The following STK11IP variants were observed in gnomAD, a reference collection of about 807,000 sequenced individuals.
STK11IP encodes serine/threonine kinase 11 interacting protein, also known as serine/threonine-protein kinase 11-interacting protein.
In STK11IP, 103 loss-of-function variants were observed where a neutral mutation model predicts 131.7. The observed-to-expected ratio is 0.78, with a 90% confidence interval of 0.67 to 0.92. STK11IP has a LOEUF of 0.92. STK11IP is among the 40% of genes least tolerant of loss of function. The probability of loss-of-function intolerance (pLI) is 0.00; values close to 1 mark genes in which losing one functional copy is unlikely to be tolerated. For synonymous variants in STK11IP, 557 were observed against 575.6 expected (o/e 0.97, Z 0.46); for missense variants, 1,315 against 1,385.7 (o/e 0.95, Z 0.81).
chr2:219,610,604 G>A (rs896441814), intron 17 of STK11IP, among the ~76,000 whole-genome samples: 6 of 152,040 alleles, frequency 3.9e-5, no homozygotes, highest in Admixed American at 6.6e-5. Context: ...GGGTTTCACC[G>A]TGTTAGCCAG....
Position 219,602,547 on chromosome 2 carries a change from A to G in STK11IP, c.518A>G (p.Asn173Ser), listed in dbSNP as rs551792044. The G allele has an allele frequency of 4.3e-6, 7 of 1,614,002 alleles. No homozygotes were observed. The highest frequency in any genetic ancestry group is 4.5e-5 in the East Asian group (2 of 44,884). The change falls in exon 6 of 25, where the codon AAT becomes AGT. Residue 173 changes from asparagine (N) to serine (S), a missense_variant. Transcript: ENST00000456909. Reference sequence around the variant, plus strand: ...CTGCTTTCTGCCAACTTCAGCTACAATGCACTGACCGCCTTAGACAGCTCC... The same window carrying G: ...CTGCTTTCTGCCAACTTCAGCTACAGTGCACTGACCGCCTTAGACAGCTCC... ...LALLSANFSY[N>S]ALTALDSSLR...
chr2:219,616,209 C>G lies in STK11IP; in HGVS notation c.*16C>G, dbSNP rs769357607. 6.2e-7 allele frequency: 1 copy of G among 1,610,006 alleles called. No homozygotes were observed. The highest frequency in any genetic ancestry group is 1.7e-5 in the Admixed American group (1 of 59,738). On this transcript the variant is annotated 3_prime_UTR_variant, in exon 25 of 25. Coordinates refer to ENST00000456909, the MANE Select transcript of STK11IP (RefSeq NM_052902.4). Reference sequence around the variant, plus strand: ...TGACCGATGAGGGTCCCACGCTGACCTTGGCCCTGACCTCAGGAGCCACGC... The same window carrying G: ...TGACCGATGAGGGTCCCACGCTGACGTTGGCCCTGACCTCAGGAGCCACGC...
intron 2 of STK11IP, among the ~76,000 whole-genome samples, chr2:219,599,098 C>G (rs1424559203): frequency 1.3e-5 from 2 of 151,918 alleles, no homozygotes; most frequent in Admixed American, 6.6e-5. Flanking sequence ...TCTTTCTTTT[C>G]TTTTTTTTGA....
Position 219,598,129 on chromosome 2 carries a change from G to T in STK11IP, c.10G>T (p.Ala4Ser). MTT[A>S]QRDSLLWKLA... ...CCAGCGTCCCGTGGCCATGACGACCGCTCAGAGGGACTCCCTGTTGTGGAA... is the reference window on the plus strand; with the variant it reads ...CCAGCGTCCCGTGGCCATGACGACCTCTCAGAGGGACTCCCTGTTGTGGAA... Residue 4 changes from alanine (A) to serine (S), a missense_variant, in exon 2 of 25, where the codon GCT (alanine) becomes TCT (serine). Coordinates refer to ENST00000456909, the MANE Select transcript of STK11IP (RefSeq NM_052902.4). 6.3e-7 allele frequency: 1 copy of T among 1,590,740 alleles called. No individual in the cohort carries two copies. The highest frequency in any genetic ancestry group is 8.6e-7 in the Non-Finnish European group (1 of 1,168,932).
chr2:219,601,356 T>C lies in STK11IP; in HGVS notation c.183T>C (p.Ala61=), dbSNP rs1303266489. The C allele has an allele frequency of 1.2e-5, 20 of 1,613,942 alleles. No individual in the cohort carries two copies. Among genetic ancestry groups the C allele is most frequent in the Non-Finnish European group, 1.6e-5 (19 of 1,179,902 alleles). ...GCCCTGGCCAGACAGGCTTTGTGGC[T>C]CTGCCCTCCCATCCTGCCGACTCCC... is the stretch of plus-strand genomic sequence containing the variant. ...PWGPGQTGFV[A]LPSHPADSPV... The change falls in exon 3 of 25, where the codon GCT becomes GCC. Residue 61 remains alanine, a synonymous_variant. Transcript: ENST00000456909.
In STK11IP at chr2:219,613,801, G is replaced by T. The variant is rs1698485912; in HGVS notation, c.2587G>T (p.Asp863Tyr). The T allele has an allele frequency of 1.2e-6, 2 of 1,612,256 alleles. No homozygotes were observed. Among genetic ancestry groups the T allele is most frequent in the Admixed American group, 1.7e-5 (1 of 59,988 alleles). Residue 863 changes from aspartate to tyrosine, a missense_variant, in exon 21 of 25, where the codon GAT becomes TAT. By Grantham distance (160) the Asp-to-Tyr change is radical. Coordinates refer to ENST00000456909, the MANE Select transcript of STK11IP (RefSeq NM_052902.4). Reference protein sequence around the residue: ...LQLTLAVPLQDLSGIELGLAG... With the variant: ...LQLTLAVPLQYLSGIELGLAG... Reference sequence around the variant, plus strand: ...GCTGACCCTGGCTGTTCCCCTGCAGGATCTGAGTGGCATAGAGCTGGGCCT... The same window carrying T: ...GCTGACCCTGGCTGTTCCCCTGCAGTATCTGAGTGGCATAGAGCTGGGCCT...
At chr2:219,606,449 TC>T in intron 10 of STK11IP, 26 bp from the exon 11 acceptor site, 1 of 1,606,690 alleles carries the variant, frequency 6.2e-7, no homozygotes, top group Non-Finnish European at 8.5e-7. Flanking sequence ...TACCACATAC[TC>T]CCTCCCCCTT....
At chr2:219,598,869 A>C (rs1030667946) in intron 2 of STK11IP, among the ~76,000 whole-genome samples, 2 of 152,200 alleles carry the variant, frequency 1.3e-5, no homozygotes, top group African/African-American at 4.8e-5. Flanking sequence ...ACTTCCTACC[A>C]ATTATATGAT....
At chr2:219,606,370 G>A (rs1212319153) in intron 10 of STK11IP, 80 bp downstream of exon 10, 2 of 1,546,086 alleles carry the variant, frequency 1.3e-6, no homozygotes, top group African/African-American at 2.7e-5. Context: ...TGCCATCCCT[G>A]GGTGAGGGGC....
chr2:219,614,939 G>C (rs1243951000), intron 23 of STK11IP, 155 bp from the exon 24 acceptor site: 16 of 880,236 alleles, frequency 1.8e-5, no homozygotes, highest in Non-Finnish European at 2.4e-5. Context: ...ATGGAGCTTG[G>C]GAAAGGGAGG....
chr2:219,603,479 A>G (rs1309507881), intron 7 of STK11IP, among the ~76,000 whole-genome samples: 1 of 152,020 alleles, frequency 6.6e-6, no homozygotes, highest in African/African-American at 2.4e-5. Context: ...TCCACCTGTC[A>G]GAGATAAAGC....
chr2:219,606,140 C>G, intron 9 of STK11IP, 55 bp from the exon 10 acceptor site: 1 of 1,543,204 alleles, frequency 6.5e-7, no homozygotes, highest in Non-Finnish European at 8.8e-7. Flanking sequence ...GCCTTCTTCA[C>G]ACAGGGAGGG....
At chr2:219,599,848 C>T (rs1697921989) in intron 2 of STK11IP, among the ~76,000 whole-genome samples, 1 of 150,994 alleles carries the variant, frequency 6.6e-6, no homozygotes, top group Non-Finnish European at 1.5e-5. Context: ...AGTGATTCTT[C>T]TGCCTCAGCC....
intron 13 of STK11IP, among the ~76,000 whole-genome samples, chr2:219,607,741 T>C (rs1395443197): frequency 6.6e-6 from 1 of 151,764 alleles, no homozygotes; most frequent in African/African-American, 2.4e-5. Flanking sequence ...CCAGAGAAGT[T>C]TGAGAAATGT....
intron 19 of STK11IP, 40 bp from the exon 20 acceptor site, chr2:219,613,088 G>A: frequency 1.3e-6 from 2 of 1,561,986 alleles, no homozygotes; most frequent in Non-Finnish European, 8.8e-7. Flanking sequence ...ACCTCCCCAG[G>A]CCTCTCATCA....
At chr2:219,612,279 T>C (rs1375304277) in intron 19 of STK11IP, among the ~76,000 whole-genome samples, 1 of 152,194 alleles carries the variant, frequency 6.6e-6, no homozygotes, top group African/African-American at 2.4e-5. Flanking sequence ...CCTTACACAG[T>C]GGCGTGCGTC....
rs77947915 is a variant in STK11IP at position 219,611,156 on chromosome 2, T to G, written c.2105-448T>G. On this transcript the variant is annotated intron_variant, in intron 17 of 24. Coordinates refer to ENST00000456909, the MANE Select transcript of STK11IP (RefSeq NM_052902.4). ...TCACAGAGCTTAGATGACTTGCCCA[T>G]GATTACAGAGCCATTAATTGATGGA... 2.4e-3 allele frequency among the ~76,000 whole-genome samples: 366 copies of G among 152,320 alleles called. 1 individual carries two copies. The highest frequency in any genetic ancestry group is 8.2e-3 in the African/African-American group (342 of 41,576).
chr2:219,614,470 C>T lies in STK11IP; in HGVS notation c.2799-6C>T. ...GATCTTCCTGTGCCTGCCATATTCC[C>T]TCTAGGCCATTGCTGGAAAAAGACT... On this transcript the variant is annotated splice_polypyrimidine_tract_variant and splice_region_variant and intron_variant, in intron 22 of 24. Coordinates refer to ENST00000456909, the MANE Select transcript of STK11IP (RefSeq NM_052902.4). The T allele has an allele frequency of 6.2e-7, 1 of 1,613,716 alleles. No individual in the cohort carries two copies. The highest frequency in any genetic ancestry group is 1.3e-5 in the African/African-American group (1 of 75,066).
intron 17 of STK11IP, among the ~76,000 whole-genome samples, chr2:219,609,912 T>C (rs983452309): frequency 3.3e-5 from 5 of 152,138 alleles, no homozygotes; most frequent in African/African-American, 4.8e-5. Context: ...CAGTATTGGA[T>C]TGTGGTGCTG....
Sources: gnomAD v4.1 joint callset for allele counts (sites outside exome capture counted in the v4.1 genomes callset) on GRCh38, gnomAD v4.1.1 for gene constraint, MANE v1.5 for transcripts, NCBI Gene and HGNC (gene_info 2026-07-23, HGNC 2026-07-21) for gene names.